LPGAT1: variants seen among roughly 807,000 people sequenced by gnomAD.
LPGAT1 encodes the protein acyl-CoA:lysophosphatidylglycerol acyltransferase 1.
In LPGAT1, 11 loss-of-function variants were observed where a neutral mutation model predicts 47.5. That is an observed-to-expected ratio of 0.23 (90% CI 0.15 to 0.38). LPGAT1 has a LOEUF of 0.38. Ranked by LOEUF, LPGAT1 falls within the 10% of genes least tolerant of loss-of-function variation. LPGAT1 has a pLI of 1.00. For synonymous variants in LPGAT1, 138 were observed against 144.2 expected, an observed-to-expected ratio of 0.96 and a Z score of 0.31; for missense variants, 293 against 439.0, an observed-to-expected ratio of 0.67 and a Z score of 2.97.
chr1:211,811,687 G>A (rs1021224080), intron 2 of LPGAT1, among the ~76,000 whole-genome samples: 2 of 152,158 alleles, frequency 1.3e-5, no homozygotes, highest in Non-Finnish European at 2.9e-5. Context: ...AACCTGGGAG[G>A]TGGAGGGTGC....
chr1:211,830,463 C>A lies in LPGAT1; in HGVS notation c.-28+110G>T. 1 of 1,180,652 alleles carries A rather than the reference C, an allele frequency of 8.5e-7. No individual in the cohort carries two copies. The highest frequency in any genetic ancestry group is 1.0e-6 in the Non-Finnish European group (1 of 952,444). 73.1% of individuals were successfully genotyped at this position (1,180,652 alleles called of 1,614,324 possible). A position where few individuals can be genotyped will look rare whatever the true frequency, so the allele number is the denominator to read the frequency against. ...CGCGCCCTCGTCCCTCAGGCCGCTG[C>A]CGCCTCCCCGGGCCACGCGACGACG... On this transcript the variant is annotated intron_variant, in intron 1 of 7. Transcript: ENST00000366997. The surrounding 1 kb of genome is among the most constrained non-coding windows in gnomAD (Gnocchi z 5.9).
intron 2 of LPGAT1, among the ~76,000 whole-genome samples, chr1:211,797,028 G>C (rs1435803129): frequency 6.6e-6 from 1 of 152,068 alleles, no homozygotes; most frequent in Non-Finnish European, 1.5e-5. Context: ...GGCCAAGGTG[G>C]GTGGATCACT....
At chr1:211,758,010 T>C (rs915912697) in intron 6 of LPGAT1, among the ~76,000 whole-genome samples, 31 of 152,220 alleles carry the variant, frequency 2.0e-4, no homozygotes, top group African/African-American at 7.5e-4. Flanking sequence ...GGCAAACATG[T>C]TTCCATGGAA....
chr1:211,790,606 A>G (rs1054308395), intron 3 of LPGAT1, among the ~76,000 whole-genome samples: 5 of 152,200 alleles, frequency 3.3e-5, no homozygotes, highest in African/African-American at 1.2e-4. Context: ...TCTAGATTTC[A>G]AAGTATTCAA....
rs114574751 is a variant in LPGAT1 at position 211,815,234 on chromosome 1, A to G, written c.238+13825T>C. 6.2e-3 allele frequency among the ~76,000 whole-genome samples: 943 copies of G among 152,166 alleles called. 13 individuals are homozygous for G. Among genetic ancestry groups the G allele is most frequent in the African/African-American group, 0.022 (893 of 41,516 alleles). On this transcript the variant is annotated intron_variant, in intron 2 of 7. Coordinates refer to ENST00000366997, the MANE Select transcript of LPGAT1 (RefSeq NM_014873.3). Reference sequence around the variant, plus strand: ...CACTTGGATGTTTTTCATCTACCCTATGCTAAATTTTTAAATTTTTAAAAT... The same window carrying G: ...CACTTGGATGTTTTTCATCTACCCTGTGCTAAATTTTTAAATTTTTAAAAT...
At chr1:211,811,292 T>A (rs1439795080) in intron 2 of LPGAT1, among the ~76,000 whole-genome samples, 2 of 152,190 alleles carry the variant, frequency 1.3e-5, no homozygotes, top group Non-Finnish European at 2.9e-5. Flanking sequence ...ACCCAAAAGA[T>A]AAGGCAGGCT....
chr1:211,821,125 G>A (rs942684250), intron 2 of LPGAT1, among the ~76,000 whole-genome samples: 4 of 152,106 alleles, frequency 2.6e-5, no homozygotes, highest in African/African-American at 4.8e-5. Context: ...GTGTGGTGGT[G>A]CATGCCTGTA....
intron 6 of LPGAT1, among the ~76,000 whole-genome samples, chr1:211,776,727 G>C (rs1239143466): frequency 6.7e-6 from 1 of 149,228 alleles, no homozygotes; most frequent in Non-Finnish European, 1.5e-5. Context: ...TAGAGTTCTG[G>C]AGAAATTATG....
At chr1:211,788,354 G>A (rs917268334) in intron 3 of LPGAT1, among the ~76,000 whole-genome samples, 7 of 152,106 alleles carry the variant, frequency 4.6e-5, no homozygotes, top group African/African-American at 1.7e-4. Flanking sequence ...TACCAATATT[G>A]AGGGCAGAAG....
In LPGAT1 at chr1:211,743,715, C is replaced by T. The variant is rs974369700; in HGVS notation, c.*6184G>A. On this transcript the variant is annotated 3_prime_UTR_variant, in exon 8 of 8. Coordinates refer to ENST00000366997, the MANE Select transcript of LPGAT1 (RefSeq NM_014873.3). ...TCTCTGAGTGCTTCCAATTTGTTTTCAGGCCTCTGTCCCCAGTCTGTTCCT... is the reference window on the plus strand; with the variant it reads ...TCTCTGAGTGCTTCCAATTTGTTTTTAGGCCTCTGTCCCCAGTCTGTTCCT... The T allele has an allele frequency of 6.6e-6, 1 of 152,140 alleles. No individual in the cohort carries two copies. Among genetic ancestry groups the T allele is most frequent in the African/African-American group, 2.4e-5 (1 of 41,428 alleles). The allele number at this position is 152,140 out of a possible 1,614,324, so 9.4% of individuals were successfully genotyped here.
At position 211,749,928 on chromosome 1, in the gene LPGAT1, T is replaced by C; in HGVS notation, c.1084A>G (p.Ile362Val). 6.2e-7 allele frequency: 1 copy of C among 1,614,054 alleles called. No individual in the cohort carries two copies. ...FLSGYMWYNI[I>V]QYFYHCLF is the part of the protein sequence containing the mutation. Reference sequence around the variant, plus strand: ...AACAGGCAATGGTAAAAATACTGAATGATGTTGTACCACATATAGCCTGAC... The same window carrying C: ...AACAGGCAATGGTAAAAATACTGAACGATGTTGTACCACATATAGCCTGAC... Residue 362 changes from isoleucine to valine, a missense_variant, in exon 8 of 8, where the codon ATT becomes GTT. By Grantham distance (29) the Ile-to-Val change is conservative. Transcript: ENST00000366997.
chr1:211,790,110 T>G (rs535003324), intron 3 of LPGAT1, among the ~76,000 whole-genome samples: 1 of 152,288 alleles, frequency 6.6e-6, no homozygotes, highest in South Asian at 2.1e-4. Context: ...CTTAAATGAC[T>G]GCACTCTTTC....
rs1255748242 is a variant in LPGAT1 at position 211,751,080 on chromosome 1, A to G, written c.855-13T>C. 6.5e-7 allele frequency: 1 copy of G among 1,531,482 alleles called. No individual in the cohort carries two copies. The highest frequency in any genetic ancestry group is 9.0e-7 in the Non-Finnish European group (1 of 1,110,644). The allele number at this position is 1,531,482 out of a possible 1,614,324, so 94.9% of individuals were successfully genotyped here. A position where few individuals can be genotyped will look rare whatever the true frequency, so the allele number is the denominator to read the frequency against. The stretch of plus-strand genomic sequence containing the variant: ...AATTGGAAAGATCCTATTAAGGGTT[A>G]GAAGAAAAGAACAAAAACTATTTAG... On this transcript the variant is annotated splice_polypyrimidine_tract_variant and intron_variant, in intron 6 of 7. Coordinates refer to ENST00000366997, the MANE Select transcript of LPGAT1 (RefSeq NM_014873.3).
At chr1:211,801,059 G>A in intron 2 of LPGAT1, among the ~76,000 whole-genome samples, 1 of 152,170 alleles carries the variant, frequency 6.6e-6, no homozygotes, top group East Asian at 1.9e-4. Context: ...CCACTTGCTT[G>A]GCTACAAATC....
intron 5 of LPGAT1, among the ~76,000 whole-genome samples, chr1:211,780,046 GC>G (rs2102533341): frequency 6.6e-6 from 1 of 151,234 alleles, no homozygotes; most frequent in South Asian, 2.1e-4. Context: ...GCATGGTAGT[GC>G]ACGCTTGTAA....
chr1:211,768,686 A>G (rs571092729), intron 6 of LPGAT1, among the ~76,000 whole-genome samples: 1 of 152,244 alleles, frequency 6.6e-6, no homozygotes, highest in African/African-American at 2.4e-5. Context: ...GTGTGACATT[A>G]TCTCTATGAA....
At chr1:211,764,454 T>C (rs908693789) in intron 6 of LPGAT1, among the ~76,000 whole-genome samples, 5 of 152,204 alleles carry the variant, frequency 3.3e-5, no homozygotes, top group Non-Finnish European at 5.9e-5. Flanking sequence ...CCAGGGTTAG[T>C]GTGGCAACAA....
In LPGAT1 at chr1:211,784,866, C is replaced by T. The variant is rs192171276; in HGVS notation, c.454-1364G>A. 1.0e-3 allele frequency among the ~76,000 whole-genome samples: 149 copies of T among 146,164 alleles called. 4 individuals are homozygous for T. The East Asian group carries it at 0.023, about 23-fold the overall frequency. Reference sequence around the variant, plus strand: ...TTGCCCAGGCTGGAGTGCAGTGGTGCGATCTCGGGTCACTGCAAGCTCTGC... The same window carrying T: ...TTGCCCAGGCTGGAGTGCAGTGGTGTGATCTCGGGTCACTGCAAGCTCTGC... On this transcript the variant is annotated intron_variant, in intron 4 of 7. Coordinates refer to ENST00000366997, the MANE Select transcript of LPGAT1 (RefSeq NM_014873.3).
intron 3 of LPGAT1, among the ~76,000 whole-genome samples, chr1:211,791,836 G>A (rs1363935472): frequency 2.7e-5 from 4 of 148,826 alleles, no homozygotes; most frequent in African/African-American, 9.8e-5. Flanking sequence ...CCACTAGGCT[G>A]TCAGCACCTT....
Sources: allele counts gnomAD v4.1 joint callset (sites outside exome capture counted in the v4.1 genomes callset), GRCh38; gene constraint gnomAD v4.1.1; non-coding constraint Gnocchi (gnomAD v3.1); transcripts MANE v1.5; gene names NCBI Gene and HGNC (gene_info 2026-07-23, HGNC 2026-07-21).